The following MYO5B variants were observed in gnomAD, a reference collection of about 807,000 sequenced individuals.
MYO5B encodes the protein myosin VB.
A neutral mutation model predicts 229.3 loss-of-function variants in MYO5B; 143 were observed. That is an observed-to-expected ratio of 0.62 (90% CI 0.54 to 0.72). The LOEUF (loss-of-function observed/expected upper bound fraction) is 0.72, where lower values mean the gene tolerates loss of function less well. Ranked by LOEUF, MYO5B falls within the 30% of genes least tolerant of loss-of-function variation. The pLI is 0.00. For missense variants in MYO5B, 2,321 were observed against 2,331.0 expected (o/e 1.00, Z 0.09); for synonymous variants, 918 against 885.2 (o/e 1.04, Z -0.66).
intron 1 of MYO5B, among the ~76,000 whole-genome samples, chr18:50,100,188 A>C: frequency 6.6e-6 from 1 of 152,226 alleles, no homozygotes; most frequent in Admixed American, 6.5e-5. Flanking sequence ...TTGGATATTC[A>C]CTAGAGTAAA....
chr18:49,929,929 CTACTCT>C (rs1358378140), intron 16 of MYO5B, among the ~76,000 whole-genome samples: 2 of 152,188 alleles, frequency 1.3e-5, no homozygotes, highest in Non-Finnish European at 2.9e-5. Flanking sequence ...TCTCCAGAGC[CTACTCT>C]TACTGTTTTT....
chr18:49,909,913 T>C (rs1231929781), intron 18 of MYO5B, among the ~76,000 whole-genome samples: 1 of 152,054 alleles, frequency 6.6e-6, no homozygotes, highest in African/African-American at 2.4e-5. Context: ...TTAGGTAGGC[T>C]CCCCCTGCGT....
At chr18:49,868,823 T>G (rs1029182824) in intron 27 of MYO5B, among the ~76,000 whole-genome samples, 2 of 152,366 alleles carry the variant, frequency 1.3e-5, no homozygotes, top group African/African-American at 4.8e-5. Flanking sequence ...AGAACCCTTC[T>G]ACATGACCTT....
intron 22 of MYO5B, among the ~76,000 whole-genome samples, chr18:49,884,378 T>C (rs1294605086): frequency 3.3e-5 from 5 of 152,074 alleles, no homozygotes; most frequent in Admixed American, 1.3e-4. Context: ...TATTATTACA[T>C]TGTAATATAC....
chr18:50,070,018 C>CT (rs765610800), intron 1 of MYO5B, among the ~76,000 whole-genome samples: 5,611 of 110,022 alleles, frequency 0.051, 228 homozygotes, highest in African/African-American at 0.079. Flanking sequence ...GCAATTTAGT[C>CT]TTTTTTTTTT....
At chr18:50,059,008 C>A (rs56738551) in intron 1 of MYO5B, among the ~76,000 whole-genome samples, 1,897 of 152,270 alleles carry the variant, frequency 0.012, 33 homozygotes, top group African/African-American at 0.044. Context: ...TAGCCCTACC[C>A]AACCATAAGC....
intron 22 of MYO5B, among the ~76,000 whole-genome samples, chr18:49,886,773 C>T (rs955468710): frequency 3.3e-5 from 5 of 152,174 alleles, no homozygotes; most frequent in South Asian, 2.1e-4. Flanking sequence ...CCGAGAGTGA[C>T]GACGTTTTAT....
chr18:50,001,507 G>A, intron 4 of MYO5B, 96 bp from the exon 5 acceptor site: 2 of 1,418,384 alleles, frequency 1.4e-6, no homozygotes, highest in Admixed American at 1.7e-5. Context: ...CTCACTGGGA[G>A]CATCTCTCCT....
chr18:50,160,089 A>G (rs903168497), intron 1 of MYO5B, among the ~76,000 whole-genome samples: 2 of 152,232 alleles, frequency 1.3e-5, no homozygotes, highest in South Asian at 2.1e-4. Flanking sequence ...AACACGCACA[A>G]CGTACCACAG....
intron 39 of MYO5B, among the ~76,000 whole-genome samples, chr18:49,828,586 C>A (rs1323900074): frequency 1.1e-4 from 16 of 152,146 alleles, no homozygotes; most frequent in Non-Finnish European, 2.2e-4. Context: ...TTAGTCCTAA[C>A]AAACACATAT....
At chr18:49,843,195 T>C in intron 34 of MYO5B, 46 bp downstream of exon 34, 1 of 1,611,232 alleles carries the variant, frequency 6.2e-7, no homozygotes, top group Non-Finnish European at 8.5e-7. Flanking sequence ...GGGGCTGGCT[T>C]CACTCTACCC....
chr18:49,996,875 G>C (rs1339330314), intron 5 of MYO5B, among the ~76,000 whole-genome samples: 2 of 152,236 alleles, frequency 1.3e-5, no homozygotes, highest in South Asian at 4.1e-4. Context: ...AGTGGCTAAA[G>C]TATGTTGATA....
intron 10 of MYO5B, among the ~76,000 whole-genome samples, chr18:49,970,531 G>GA (rs749301987): frequency 4.5e-4 from 69 of 152,192 alleles, no homozygotes; most frequent in Non-Finnish European, 8.7e-4. Flanking sequence ...GTGATGGGGA[G>GA]AAATGTGTGT....
At chr18:49,942,237 G>A in intron 14 of MYO5B, among the ~76,000 whole-genome samples, 1 of 150,968 alleles carries the variant, frequency 6.6e-6, no homozygotes, top group Non-Finnish European at 1.5e-5. Context: ...AAAAACCCTA[G>A]AAGAAAACCT....
At chr18:50,049,928 C>G (rs543410634) in intron 2 of MYO5B, among the ~76,000 whole-genome samples, 6 of 152,192 alleles carry the variant, frequency 3.9e-5, no homozygotes, top group African/African-American at 1.4e-4. Context: ...CTTAATGCCA[C>G]TGAACTGTAC....
Position 49,992,333 on chromosome 18 carries a change from G to T in MYO5B, c.711C>A (p.Ala237=), listed in dbSNP as rs2144312705. Residue 237 remains alanine (A), a synonymous_variant, in exon 6 of 40, where the codon GCC becomes GCA. Coordinates refer to ENST00000285039, the MANE Select transcript of MYO5B (RefSeq NM_001080467.3). The part of the protein sequence containing the change: ...GFDKRYHIIG[A]NMRTYLLEKS... ...TCTCCAAGAGGTAAGTCCTCATGTT[G>T]GCCCCGATGATGTGGTACCTTTTGT... is the stretch of plus-strand genomic sequence containing the variant. 6.2e-7 allele frequency: 1 copy of T among 1,614,144 alleles called. No homozygotes were observed. The highest frequency in any genetic ancestry group is 8.5e-7 in the Non-Finnish European group (1 of 1,180,028).
intron 1 of MYO5B, among the ~76,000 whole-genome samples, chr18:50,153,370 C>G (rs1279810787): frequency 6.6e-6 from 1 of 152,150 alleles, no homozygotes; most frequent in African/African-American, 2.4e-5. Flanking sequence ...TGAGGCATGA[C>G]TTGGAATGTA....
At chr18:50,172,266 G>T (rs2032929315) in intron 1 of MYO5B, among the ~76,000 whole-genome samples, 1 of 136,170 alleles carries the variant, frequency 7.3e-6, no homozygotes, top group African/African-American at 2.8e-5. Context: ...AGGTGATAGA[G>T]TGAGACCCTG....
At chr18:50,188,785 TAAAAAAAAAAAAAAAAAA>T (rs4042094) in intron 1 of MYO5B, among the ~76,000 whole-genome samples, 1 of 105,100 alleles carries the variant, frequency 9.5e-6, no homozygotes, top group Non-Finnish European at 1.9e-5. Context: ...GACTCTGTCA[TAAAAAAAAAAAAAAAAAA>T]AAAAAAAAAA....
Sources: allele counts gnomAD v4.1 joint callset (sites outside exome capture counted in the v4.1 genomes callset), GRCh38; gene constraint gnomAD v4.1.1; transcripts MANE v1.5; gene names NCBI Gene and HGNC (gene_info 2026-07-23, HGNC 2026-07-21).